The following GALNT8 variants were observed in gnomAD, a reference collection of about 807,000 sequenced individuals.
GALNT8 encodes polypeptide N-acetylgalactosaminyltransferase 8, also known as probable polypeptide N-acetylgalactosaminyltransferase 8.
GALNT8 carries 66 observed loss-of-function variants against 62.7 expected under a neutral mutation model. The ratio of observed to expected loss-of-function variants is 1.05; its 90% CI spans 0.86 to 1.29. The LOEUF (loss-of-function observed/expected upper bound fraction) is 1.29, where lower values mean the gene tolerates loss of function less well. Ranked by LOEUF, GALNT8 falls within the 50% of genes most tolerant of loss-of-function variation. The pLI is 0.00. For missense variants in GALNT8, 771 were observed against 791.8 expected (o/e 0.97, Z 0.32); for synonymous variants, 288 against 294.3 (o/e 0.98, Z 0.22).
intron 3 of GALNT8, among the ~76,000 whole-genome samples, chr12:4,740,424 CTTT>C (rs778919612): frequency 3.5e-5 from 5 of 141,932 alleles, no homozygotes; most frequent in Non-Finnish European, 4.7e-5. Flanking sequence ...CGTGTGTTAA[CTTT>C]TTTTTTTTTT....
intron 9 of GALNT8, among the ~76,000 whole-genome samples, chr12:4,764,607 G>A (rs1472668199): frequency 4.7e-5 from 7 of 148,752 alleles, no homozygotes; most frequent in Admixed American, 4.7e-4. Context: ...GCAGTGGCGC[G>A]GTCTCAGCTC....
At chr12:4,723,750 CTTTTT>C (rs539656719) in intron 1 of GALNT8, among the ~76,000 whole-genome samples, 1 of 124,930 alleles carries the variant, frequency 8.0e-6, no homozygotes, top group Non-Finnish European at 1.7e-5. Flanking sequence ...ATCACCAATG[CTTTTT>C]TTTTTTTTTT....
At chr12:4,731,656 C>T (rs1311994598) in intron 2 of GALNT8, among the ~76,000 whole-genome samples, 1 of 152,032 alleles carries the variant, frequency 6.6e-6, no homozygotes, top group African/African-American at 2.4e-5. Context: ...AGGTACAATT[C>T]TTCTATACCT....
intron 10 of GALNT8, 76 bp downstream of exon 10, chr12:4,765,622 C>A: frequency 8.4e-7 from 1 of 1,188,964 alleles, no homozygotes; most frequent in Non-Finnish European, 1.2e-6. Flanking sequence ...TGCTCTGCAG[C>A]CCAGGCTAGA....
At chr12:4,746,018 A>G in intron 5 of GALNT8, 126 bp from the exon 6 acceptor site, 1 of 634,836 alleles carries the variant, frequency 1.6e-6, no homozygotes, top group Non-Finnish European at 2.9e-6. Flanking sequence ...CTGAGAGTTT[A>G]GGGAAGGCCT....
chr12:4,757,509 T>A (rs537549170), intron 6 of GALNT8, among the ~76,000 whole-genome samples: 1 of 151,620 alleles, frequency 6.6e-6, no homozygotes, highest in South Asian at 2.1e-4. Flanking sequence ...GGGCCAAGAC[T>A]TTTATTTGGT....
chr12:4,746,431 T>TG (rs1946300390), intron 6 of GALNT8, among the ~76,000 whole-genome samples, 173 bp downstream of exon 6: 1 of 151,824 alleles, frequency 6.6e-6, no homozygotes, highest in African/African-American at 2.4e-5. Context: ...ACTTCTGGAG[T>TG]GGACACTCCT....
intron 4 of GALNT8, among the ~76,000 whole-genome samples, chr12:4,745,228 G>A (rs111611907): frequency 1.3e-5 from 2 of 152,242 alleles, no homozygotes; most frequent in Admixed American, 6.5e-5. Flanking sequence ...TTCTCGATGC[G>A]GGTTGGCTTC....
At chr12:4,733,752 G>C (rs1946230917) in intron 2 of GALNT8, among the ~76,000 whole-genome samples, 1 of 152,214 alleles carries the variant, frequency 6.6e-6, no homozygotes, top group Admixed American at 6.5e-5. Context: ...GCTCGTTTCT[G>C]CTGGTAGTTA....
chr12:4,744,828 C>A, intron 4 of GALNT8, 128 bp downstream of exon 4: 1 of 606,394 alleles, frequency 1.6e-6, no homozygotes, highest in South Asian at 2.4e-5. Context: ...AGGGAATCTC[C>A]AAAACAGCAT....
intron 2 of GALNT8, among the ~76,000 whole-genome samples, chr12:4,735,745 ACCT>A (rs1481686443): frequency 6.6e-6 from 1 of 151,882 alleles, no homozygotes; most frequent in African/African-American, 2.4e-5. Context: ...GGGGGCTGCC[ACCT>A]CCTTCCCCCC....
chr12:4,765,823 G>A (rs1234227284), intron 10 of GALNT8, among the ~76,000 whole-genome samples: 3 of 152,188 alleles, frequency 2.0e-5, no homozygotes, highest in African/African-American at 7.2e-5. Context: ...TTTCTGGTGT[G>A]TTACCTAATA....
chr12:4,721,478 G>T (rs1235688364), intron 1 of GALNT8, among the ~76,000 whole-genome samples: 1 of 152,104 alleles, frequency 6.6e-6, no homozygotes, highest in Non-Finnish European at 1.5e-5. Flanking sequence ...GAGAAGGTCA[G>T]CAGATAAACA....
chr12:4,726,900 C>T lies in GALNT8; in HGVS notation c.509+71C>T. On this transcript the variant is annotated intron_variant, in intron 2 of 10. Coordinates refer to ENST00000252318, the MANE Select transcript of GALNT8 (RefSeq NM_017417.2). The surrounding 1 kb of genome is among the most constrained non-coding windows in gnomAD (Gnocchi z 4.1). ...GAGGATGAGCTTTGGGAGCAGTGAACATTGAAGGCTGGGGGAGTGGGGGAT... is the reference window on the plus strand; with the variant it reads ...GAGGATGAGCTTTGGGAGCAGTGAATATTGAAGGCTGGGGGAGTGGGGGAT... 1 of 1,324,442 alleles carries T rather than the reference C, an allele frequency of 7.6e-7. No homozygotes were observed. The allele number at this position is 1,324,442 out of a possible 1,614,324, so 82.0% of individuals were successfully genotyped here. A position where few individuals can be genotyped will look rare whatever the true frequency, so the allele number is the denominator to read the frequency against.
At position 4,739,134 on chromosome 12, in the gene GALNT8, T is replaced by C. The variant is rs758030022; in HGVS notation, c.510-29T>C. ...CAGTGTTGAAGTAATTAAAAAAAAATAATATGTTATAAAAATGGTCTCTTA... is the reference window on the plus strand; with the variant it reads ...CAGTGTTGAAGTAATTAAAAAAAAACAATATGTTATAAAAATGGTCTCTTA... On this transcript the variant is annotated intron_variant, in intron 2 of 10. Coordinates refer to ENST00000252318, the MANE Select transcript of GALNT8 (RefSeq NM_017417.2). 19 of 1,461,862 alleles carry C rather than the reference T, an allele frequency of 1.3e-5. No homozygotes were observed. The East Asian group carries it at 4.3e-4, about 33-fold the overall frequency. The allele number at this position is 1,461,862 out of a possible 1,614,324, so 90.6% of individuals were successfully genotyped here. A position where few individuals can be genotyped will look rare whatever the true frequency, so the allele number is the denominator to read the frequency against.
chr12:4,722,234 G>C (rs1017544927), intron 1 of GALNT8, among the ~76,000 whole-genome samples: 9 of 152,162 alleles, frequency 5.9e-5, no homozygotes, highest in Non-Finnish European at 1.2e-4. Flanking sequence ...AAGAGAGGTG[G>C]CAATCTCTGG....
At position 4,726,925 on chromosome 12, in the gene GALNT8, T is replaced by A; in HGVS notation, c.509+96T>A. ...CATTGAAGGCTGGGGGAGTGGGGGA[T>A]TGTTGGGGAAGGGGTTCAGGCTGAG... On this transcript the variant is annotated intron_variant, in intron 2 of 10. Transcript: ENST00000252318. The surrounding 1 kb of genome is among the most constrained non-coding windows in gnomAD (Gnocchi z 4.1). The A allele has an allele frequency of 9.4e-7, 1 of 1,060,252 alleles. No individual in the cohort carries two copies. The highest frequency in any genetic ancestry group is 3.2e-4 in the Middle Eastern group (1 of 3,108). 65.7% of individuals were successfully genotyped at this position (1,060,252 alleles called of 1,614,324 possible). A position where few individuals can be genotyped will look rare whatever the true frequency, so the allele number is the denominator to read the frequency against.
intron 2 of GALNT8, among the ~76,000 whole-genome samples, chr12:4,730,047 T>C (rs373139654): frequency 2.6e-5 from 4 of 152,272 alleles, no homozygotes; most frequent in African/African-American, 9.6e-5. Context: ...TTTGCTTAGG[T>C]CATTTGCTGA....
intron 6 of GALNT8, among the ~76,000 whole-genome samples, chr12:4,756,430 T>G (rs574142137): frequency 6.6e-6 from 1 of 152,286 alleles, no homozygotes; most frequent in African/African-American, 2.4e-5. Flanking sequence ...GTGAGTGACA[T>G]ATGGTTTACA....
Sources: allele counts gnomAD v4.1 joint callset (sites outside exome capture counted in the v4.1 genomes callset), GRCh38; gene constraint gnomAD v4.1.1; non-coding constraint Gnocchi (gnomAD v3.1); transcripts MANE v1.5; gene names NCBI Gene and HGNC (gene_info 2026-07-23, HGNC 2026-07-21).